Variants in KCNK9 observed in about 807,000 individuals in gnomAD.
KCNK9 encodes potassium channel subfamily K member 9.
In KCNK9, 1 loss-of-function variant was observed where a neutral mutation model predicts 10.8. The ratio of observed to expected loss-of-function variants is 0.09; its 90% confidence interval spans 0.03 to 0.44. The LOEUF (loss-of-function observed/expected upper bound fraction) is 0.44, where lower values mean the gene tolerates loss of function less well. Among genes scored for constraint, KCNK9 ranks in the 20% least tolerant of loss-of-function variants. The probability of loss-of-function intolerance (pLI) is 0.97; values close to 1 mark genes in which losing one functional copy is unlikely to be tolerated. For missense variants in KCNK9, 303 were observed against 515.0 expected (o/e 0.59, Z 3.98); for synonymous variants, 231 against 222.7 (o/e 1.04, Z -0.33).
chr8:139,691,365 T>C (rs1220699226), intron 1 of KCNK9, among the ~76,000 whole-genome samples: 2 of 152,176 alleles, frequency 1.3e-5, no homozygotes, highest in African/African-American at 4.8e-5. Context: ...TAGGAAAACA[T>C]CCTGAAATAG....
intron 1 of KCNK9, among the ~76,000 whole-genome samples, chr8:139,647,760 G>C (rs1468242204): frequency 2.0e-5 from 3 of 152,004 alleles, no homozygotes; most frequent in African/African-American, 2.4e-5. Context: ...AGAGTTCTGA[G>C]CCCTAAGGGA....
In KCNK9 at chr8:139,618,328, C is replaced by T. The variant is rs774633097; in HGVS notation, c.1055G>A (p.Ser352Asn). 6.2e-7 allele frequency: 1 copy of T among 1,614,018 alleles called. No individual in the cohort carries two copies. The highest frequency in any genetic ancestry group is 8.5e-7 in the Non-Finnish European group (1 of 1,180,034). ...GCTGTGTAACCCAGGAGAGATGGAGCTAATAGGCGATGGGAAGAGGCTGTT... is the reference window on the plus strand; with the variant it reads ...GCTGTGTAACCCAGGAGAGATGGAGTTAATAGGCGATGGGAAGAGGCTGTT... ...LKNSLFPSPI[S>N]SISPGLHSFT... The change falls in exon 2 of 2, where the codon AGC (serine) becomes AAC (asparagine). Residue 352 changes from serine (S) to asparagine (N), a missense_variant. Around this residue, in one of 5 missense-constraint regions of KCNK9, gnomAD observed 138 missense variants for 161.1 expected, o/e 0.86. Coordinates refer to ENST00000520439, the MANE Select transcript of KCNK9 (RefSeq NM_001282534.2). This position sits in a 1 kb window ranked among gnomAD's most constrained non-coding sequence, Gnocchi z 7.9.
At chr8:139,676,141 T>C (rs942989208) in intron 1 of KCNK9, among the ~76,000 whole-genome samples, 1 of 152,244 alleles carries the variant, frequency 6.6e-6, no homozygotes, top group African/African-American at 2.4e-5. Flanking sequence ...AACTCTGACC[T>C]GCATTAATGT....
intron 1 of KCNK9, among the ~76,000 whole-genome samples, chr8:139,629,943 A>C (rs1406108742): frequency 6.6e-6 from 1 of 152,048 alleles, no homozygotes; most frequent in Non-Finnish European, 1.5e-5. Flanking sequence ...TTCAGTCCAT[A>C]ACCCTGAGTG....
intron 1 of KCNK9, among the ~76,000 whole-genome samples, chr8:139,646,090 GCTCCTTGCCC>G (rs1815667893): frequency 6.6e-6 from 1 of 152,116 alleles, no homozygotes; most frequent in Admixed American, 6.5e-5. Context: ...TTCCCAGAAG[GCTCCTTGCCC>G]CTCTACTTGT....
At chr8:139,606,267 C>T (rs1482531088) in intron 2 of KCNK9, among the ~76,000 whole-genome samples, 3 of 152,186 alleles carry the variant, frequency 2.0e-5, no homozygotes, top group Non-Finnish European at 2.9e-5. Context: ...TTTCCATCAC[C>T]CTCCCACAGG....
At chr8:139,604,072 G>A (rs576231087) in intron 2 of KCNK9, among the ~76,000 whole-genome samples, 114 of 152,334 alleles carry the variant, frequency 7.5e-4, no homozygotes, top group Non-Finnish European at 1.1e-3. Context: ...GCCAGTGCAG[G>A]CCGTGAGACT....
chr8:139,634,847 T>C (rs1336853774), intron 1 of KCNK9, among the ~76,000 whole-genome samples: 1 of 152,084 alleles, frequency 6.6e-6, no homozygotes, highest in Non-Finnish European at 1.5e-5. Flanking sequence ...CCTGAGAGCC[T>C]CCGTGAGGGG....
intron 1 of KCNK9, among the ~76,000 whole-genome samples, chr8:139,627,236 C>T (rs1029263425): frequency 1.3e-5 from 2 of 152,214 alleles, no homozygotes; most frequent in Non-Finnish European, 2.9e-5. Flanking sequence ...AACTCATTCT[C>T]TCATGGATAA....
intron 1 of KCNK9, among the ~76,000 whole-genome samples, chr8:139,664,010 G>A (rs1010599106): frequency 1.3e-5 from 2 of 152,156 alleles, no homozygotes; most frequent in African/African-American, 2.4e-5. Flanking sequence ...AGAACGCTGC[G>A]AGGGCTTGCG....
intron 1 of KCNK9, among the ~76,000 whole-genome samples, chr8:139,677,231 T>TGTGCC (rs1563747427): frequency 6.6e-6 from 1 of 151,934 alleles, no homozygotes; most frequent in African/African-American, 2.4e-5. Context: ...GTGCCTGTGC[T>TGTGCC]GGGTGTTAGA....
chr8:139,651,055 C>G (rs1024255577), intron 1 of KCNK9, among the ~76,000 whole-genome samples: 2 of 152,114 alleles, frequency 1.3e-5, no homozygotes, highest in Non-Finnish European at 2.9e-5. Flanking sequence ...CTGCTTCTTC[C>G]CAGCTGCAAG....
rs1188388794 is a variant in KCNK9 at position 139,702,406 on chromosome 8, C to G, written c.283+304G>C. 6.6e-6 allele frequency among the ~76,000 whole-genome samples: 1 copy of G among 152,034 alleles called. No homozygotes were observed. Among genetic ancestry groups the G allele is most frequent in the Non-Finnish European group, 1.5e-5 (1 of 67,994 alleles). ...GTGTCTGCTATGGGATTATTCTTAG[C>G]GCTCCACTCTCTTCGCAAAAGTGGC... On this transcript the variant is annotated intron_variant, in intron 1 of 1. Transcript: ENST00000520439. The surrounding 1 kb of genome is among the most constrained non-coding windows in gnomAD (Gnocchi z 7.5).
chr8:139,623,655 C>T (rs537309772), intron 1 of KCNK9, among the ~76,000 whole-genome samples: 3 of 152,216 alleles, frequency 2.0e-5, no homozygotes, highest in East Asian at 1.9e-4. Context: ...CCTACCGCCC[C>T]CTCCCCCTAC....
At chr8:139,641,883 G>T (rs990574649) in intron 1 of KCNK9, among the ~76,000 whole-genome samples, 1 of 152,196 alleles carries the variant, frequency 6.6e-6, no homozygotes, top group South Asian at 2.1e-4. Context: ...CACTCAGGGA[G>T]TAGTCACTGG....
At chr8:139,671,025 C>T (rs1197603583) in intron 1 of KCNK9, among the ~76,000 whole-genome samples, 2 of 152,242 alleles carry the variant, frequency 1.3e-5, no homozygotes, top group African/African-American at 4.8e-5. Context: ...CTCTGTTCTA[C>T]ATCCTACTCC....
intron 1 of KCNK9, among the ~76,000 whole-genome samples, chr8:139,680,260 C>T (rs984338035): frequency 1.3e-5 from 2 of 152,208 alleles, no homozygotes; most frequent in African/African-American, 4.8e-5. Flanking sequence ...CTGGGGGTGG[C>T]AGAGGGGGCA....
At chr8:139,692,633 C>T (rs948099383) in intron 1 of KCNK9, among the ~76,000 whole-genome samples, 9 of 152,166 alleles carry the variant, frequency 5.9e-5, no homozygotes, top group Admixed American at 2.6e-4. Flanking sequence ...TCTGGGAAAC[C>T]GCACAGGGAG....
At chr8:139,633,643 C>A (rs1815244283) in intron 1 of KCNK9, among the ~76,000 whole-genome samples, 3 of 152,238 alleles carry the variant, frequency 2.0e-5, no homozygotes, top group Non-Finnish European at 4.4e-5. Flanking sequence ...CAGGCCCTCC[C>A]TTACATAACA....
Sources: allele counts gnomAD v4.1 joint callset (sites outside exome capture counted in the v4.1 genomes callset), GRCh38; gene constraint gnomAD v4.1.1; regional missense constraint gnomAD v4.1.1; non-coding constraint Gnocchi (gnomAD v3.1); transcripts MANE v1.5; gene names NCBI Gene and HGNC (gene_info 2026-07-23, HGNC 2026-07-21).